ADAMTS17: variants seen among roughly 807,000 people sequenced by gnomAD.
ADAMTS17 encodes the protein A disintegrin and metalloproteinase with thrombospondin motifs 17.
ADAMTS17 carries 113 observed loss-of-function variants against 141.5 expected under a neutral mutation model. The observed-to-expected ratio is 0.80, with a 90% CI of 0.69 to 0.93. The LOEUF (loss-of-function observed/expected upper bound fraction) is 0.93. Ranked by LOEUF, ADAMTS17 falls within the 40% of genes least tolerant of loss-of-function variation. The pLI is 0.00. For synonymous variants in ADAMTS17, 768 were observed against 630.6 expected (o/e 1.22, Z -3.27); for missense variants, 1,659 against 1,517.9 (o/e 1.09, Z -1.54).
chr15:100,184,634 C>T (rs766459452), intron 8 of ADAMTS17, among the ~76,000 whole-genome samples: 9 of 152,170 alleles, frequency 5.9e-5, no homozygotes, highest in Admixed American at 1.3e-4. Context: ...TTTGGCAGAA[C>T]CTCTGAGATC....
chr15:100,110,805 C>G (rs1296608662), intron 13 of ADAMTS17, among the ~76,000 whole-genome samples: 2 of 152,150 alleles, frequency 1.3e-5, no homozygotes, highest in African/African-American at 4.8e-5. Context: ...AGAGCAGGGA[C>G]AGAGAGAGGC....
intron 7 of ADAMTS17, among the ~76,000 whole-genome samples, chr15:100,219,245 TGATAAA>T (rs1015814046): frequency 6.6e-6 from 1 of 152,146 alleles, no homozygotes; most frequent in African/African-American, 2.4e-5. Context: ...ATTTCTGGGG[TGATAAA>T]AATGTTCCTA....
chr15:100,221,033 G>A (rs2042117044), intron 7 of ADAMTS17, among the ~76,000 whole-genome samples: 1 of 152,170 alleles, frequency 6.6e-6, no homozygotes, highest in African/African-American at 2.4e-5. Flanking sequence ...CTACCTAGGA[G>A]TGAAACAGCT....
chr15:100,332,004 C>T (rs1352326685), intron 2 of ADAMTS17, among the ~76,000 whole-genome samples: 1 of 152,194 alleles, frequency 6.6e-6, no homozygotes, highest in Non-Finnish European at 1.5e-5. Flanking sequence ...TGAAAGGATG[C>T]ACCAGTACCA....
intron 16 of ADAMTS17, among the ~76,000 whole-genome samples, chr15:100,053,180 G>A (rs1310191603): frequency 6.6e-6 from 1 of 152,328 alleles, no homozygotes; most frequent in African/African-American, 2.4e-5. Flanking sequence ...TGAGCCATCA[G>A]AAGTTAGCCA....
chr15:100,041,386 G>C (rs1251629882), intron 18 of ADAMTS17, among the ~76,000 whole-genome samples: 8 of 152,206 alleles, frequency 5.3e-5, no homozygotes, highest in African/African-American at 7.2e-5. Context: ...AGCTCTTAAA[G>C]ACTGCAAAAA....
chr15:100,002,679 A>G lies in ADAMTS17; in HGVS notation c.2592-5090T>C, dbSNP rs1335475178. On this transcript the variant is annotated intron_variant, in intron 18 of 21. Transcript: ENST00000268070. The stretch of plus-strand genomic sequence containing the variant: ...ATTTAAGAGGCTTCCCACAAAAGTG[A>G]TTTCTTGATTTGAGCAATTTGGAGA... 1.3e-5 allele frequency among the ~76,000 whole-genome samples: 2 copies of G among 152,108 alleles called. 1 individual carries two copies. Among genetic ancestry groups the G allele is most frequent in the Admixed American group, 1.3e-4 (2 of 15,274 alleles).
Position 100,293,846 on chromosome 15 carries a change from G to C in ADAMTS17, c.617-12445C>G, listed in dbSNP as rs114017088. 5.5e-3 allele frequency among the ~76,000 whole-genome samples: 835 copies of C among 152,296 alleles called. 5 individuals carry two copies. The highest frequency in any genetic ancestry group is 0.019 in the African/African-American group (782 of 41,556). ...TTGAACGATTTGTTTAAAACTCTTT[G>C]AAATTCCTAATAACAAGATCAGTTT... On this transcript the variant is annotated intron_variant, in intron 3 of 21. Transcript: ENST00000268070.
intron 12 of ADAMTS17, among the ~76,000 whole-genome samples, chr15:100,117,224 G>C (rs1312215686): frequency 6.6e-6 from 1 of 152,146 alleles, no homozygotes; most frequent in Non-Finnish European, 1.5e-5. Context: ...GTGCATGAGA[G>C]AACTGCAAAT....
At chr15:100,324,111 C>A (rs1202758453) in intron 3 of ADAMTS17, among the ~76,000 whole-genome samples, 1 of 151,730 alleles carries the variant, frequency 6.6e-6, no homozygotes, top group African/African-American at 2.4e-5. Flanking sequence ...TCAAGACCAC[C>A]CTGGCCAACA....
At position 99,997,286 on chromosome 15, in the gene ADAMTS17, G is replaced by T; in HGVS notation, c.2796+99C>A. The T allele has an allele frequency of 7.4e-7, 1 of 1,347,340 alleles. No homozygotes were observed. Among genetic ancestry groups the T allele is most frequent in the South Asian group, 1.2e-5 (1 of 85,344 alleles). The allele number at this position is 1,347,340 out of a possible 1,614,324, so 83.5% of individuals were successfully genotyped here. A position where few individuals can be genotyped will look rare whatever the true frequency, so the allele number is the denominator to read the frequency against. On this transcript the variant is annotated intron_variant, in intron 19 of 21. Transcript: ENST00000268070. The surrounding 1 kb of genome is among the most constrained non-coding windows in gnomAD (Gnocchi z 4.7). ...ATAACACAACTTCAAGCTGACCTGG[G>T]GGCGAGCGAGGGCTGGGAGGCACCA...
At chr15:100,322,948 G>T (rs187931677) in intron 3 of ADAMTS17, among the ~76,000 whole-genome samples, 1 of 151,904 alleles carries the variant, frequency 6.6e-6, no homozygotes, top group East Asian at 1.9e-4. Flanking sequence ...TTAGCCAGGC[G>T]TGGTGGCGGG....
intron 4 of ADAMTS17, among the ~76,000 whole-genome samples, chr15:100,273,991 G>C (rs1239403956): frequency 6.6e-6 from 1 of 152,116 alleles, no homozygotes; most frequent in East Asian, 1.9e-4. Flanking sequence ...GAATTTTCCA[G>C]TTTTCCTTCT....
chr15:100,152,428 G>A (rs1056871550), intron 10 of ADAMTS17, among the ~76,000 whole-genome samples, 184 bp downstream of exon 10: 4 of 152,174 alleles, frequency 2.6e-5, no homozygotes, highest in Non-Finnish European at 5.9e-5. Context: ...AAATGCCTGT[G>A]AGAGTGTGTT....
chr15:100,285,043 A>G (rs971529784), intron 3 of ADAMTS17, among the ~76,000 whole-genome samples: 2 of 152,222 alleles, frequency 1.3e-5, no homozygotes, highest in African/African-American at 4.8e-5. Context: ...AGACACCAGG[A>G]AGCATTCTTG....
At chr15:100,218,786 A>C (rs78272681) in intron 7 of ADAMTS17, among the ~76,000 whole-genome samples, 1 of 151,882 alleles carries the variant, frequency 6.6e-6, no homozygotes, top group African/African-American at 2.4e-5. Context: ...ATATTTATGG[A>C]AACATTGTTC....
intron 7 of ADAMTS17, among the ~76,000 whole-genome samples, chr15:100,206,940 G>C (rs920899586): frequency 6.6e-6 from 1 of 152,236 alleles, no homozygotes; most frequent in Non-Finnish European, 1.5e-5. Flanking sequence ...CTGCTCAACT[G>C]TGATGACAGC....
At chr15:100,055,520 T>C (rs530647344) in intron 15 of ADAMTS17, among the ~76,000 whole-genome samples, 21 of 152,246 alleles carry the variant, frequency 1.4e-4, no homozygotes, top group Admixed American at 9.2e-4. Context: ...GGTTCCTCGC[T>C]TCTAGGAACT....
At chr15:100,138,803 T>C (rs962376552) in intron 10 of ADAMTS17, among the ~76,000 whole-genome samples, 1 of 152,210 alleles carries the variant, frequency 6.6e-6, no homozygotes, top group Non-Finnish European at 1.5e-5. Context: ...TGTTCTACTA[T>C]GGCCGCAATG....
Sources: gnomAD v4.1 joint callset for allele counts (sites outside exome capture counted in the v4.1 genomes callset) on GRCh38, gnomAD v4.1.1 for gene constraint, Gnocchi (gnomAD v3.1) non-coding constraint, MANE v1.5 for transcripts, NCBI Gene and HGNC (gene_info 2026-07-23, HGNC 2026-07-21) for gene names.